Variants in C8orf74 observed in about 807,000 individuals in gnomAD.
The protein encoded by C8orf74 is chromosome 8 open reading frame 74, also known as uncharacterized protein C8orf74.
C8orf74 carries 29 observed loss-of-function variants against 22.2 expected under a neutral mutation model. The ratio of observed to expected loss-of-function variants is 1.31; its 90% CI spans 0.97 to 1.78. The LOEUF is 1.78. C8orf74 is among the 40% of genes most tolerant of loss of function. C8orf74 has a pLI of 0.00. For synonymous variants in C8orf74, 255 were observed against 163.1 expected, an observed-to-expected ratio of 1.56 and a Z score of -4.30; for missense variants, 515 against 369.9, an observed-to-expected ratio of 1.39 and a Z score of -3.22.
At chr8:10,682,816 TC>T (rs1478601811) in intron 2 of C8orf74, among the ~76,000 whole-genome samples, 1 of 152,206 alleles carries the variant, frequency 6.6e-6, no homozygotes. Context: ...TCCCCTGCCT[TC>T]CGCAAGAGAC....
chr8:10,687,331 A>AT, intron 2 of C8orf74: 1 of 317,138 alleles, frequency 3.2e-6, no homozygotes, highest in South Asian at 2.5e-5. Flanking sequence ...AATGGTTTTT[A>AT]TTAAAAGTCT....
intron 2 of C8orf74, among the ~76,000 whole-genome samples, chr8:10,696,417 TTTTC>T (rs1430803277): frequency 7.5e-4 from 99 of 132,258 alleles, no homozygotes; most frequent in Middle Eastern, 3.7e-3. Flanking sequence ...CACTCTTTTT[TTTTC>T]TTTTCTTTTC....
chr8:10,690,415 T>C (rs1563161550), intron 2 of C8orf74, among the ~76,000 whole-genome samples: 1 of 152,000 alleles, frequency 6.6e-6, no homozygotes, highest in Non-Finnish European at 1.5e-5. Context: ...CAGGGGGCAA[T>C]GCGGCGTGCG....
intron 2 of C8orf74, among the ~76,000 whole-genome samples, chr8:10,696,959 A>G (rs953202267): frequency 1.5e-4 from 15 of 101,392 alleles, no homozygotes; most frequent in African/African-American, 1.2e-4. Context: ...CAGGAGTTCG[A>G]AAAAAAAAAA....
At chr8:10,698,720 C>A (rs560290512) in intron 3 of C8orf74, among the ~76,000 whole-genome samples, 16 of 152,146 alleles carry the variant, frequency 1.1e-4, no homozygotes, top group African/African-American at 3.4e-4. Flanking sequence ...ATTGTTGCAT[C>A]ATCTCTGAAC....
chr8:10,679,185 G>C (rs1395878028), intron 2 of C8orf74, among the ~76,000 whole-genome samples: 3 of 152,252 alleles, frequency 2.0e-5, no homozygotes, highest in Non-Finnish European at 4.4e-5. Flanking sequence ...TCACAGGCTT[G>C]TTGAGTTCAT....
chr8:10,674,652 C>T lies in C8orf74; in HGVS notation c.55C>T (p.Gln19Ter). 1.9e-6 allele frequency: 3 copies of T among 1,607,024 alleles called. No individual in the cohort carries two copies. Among genetic ancestry groups the T allele is most frequent in the Non-Finnish European group, 2.5e-6 (3 of 1,176,886 alleles). The change falls in exon 2 of 4, where the codon CAA (glutamine) becomes TAA (stop). Residue 19 changes from glutamine to a stop codon, truncating the protein, a stop_gained. Transcript: ENST00000304519. LOFTEE classifies it high-confidence loss of function. ...VKEVFQLQRP[Q>*]GRERLRRLLN... ...CCCATGTCATTCCCTGCAGAGACCA[C>T]AAGGTCGGGAGCGCCTGCGGAGGCT...
intron 2 of C8orf74, among the ~76,000 whole-genome samples, chr8:10,686,183 A>G (rs980553427): frequency 1.3e-5 from 2 of 152,232 alleles, no homozygotes; most frequent in Non-Finnish European, 2.9e-5. Flanking sequence ...GTAGTGCTGT[A>G]TATTTCATAT....
chr8:10,678,247 C>G (rs569831378), intron 2 of C8orf74, among the ~76,000 whole-genome samples: 1 of 152,150 alleles, frequency 6.6e-6, no homozygotes, highest in African/African-American at 2.4e-5. Flanking sequence ...CCTCTGTGGA[C>G]ACATCTAGAA....
At chr8:10,683,285 TG>T (rs1799190973) in intron 2 of C8orf74, among the ~76,000 whole-genome samples, 1 of 152,244 alleles carries the variant, frequency 6.6e-6, no homozygotes, top group African/African-American at 2.4e-5. Context: ...CAGGCCTACC[TG>T]GCAGGGTGAG....
intron 2 of C8orf74, among the ~76,000 whole-genome samples, chr8:10,684,539 G>C (rs533843584): frequency 6.6e-6 from 1 of 152,308 alleles, no homozygotes; most frequent in Admixed American, 6.5e-5. Flanking sequence ...CCTAGTGTTT[G>C]AGTAGATTTT....
intron 2 of C8orf74, chr8:10,691,280 T>G (rs1039233058): frequency 1.3e-5 from 3 of 232,370 alleles, no homozygotes; most frequent in East Asian, 1.9e-4. Context: ...GCCAGGATGA[T>G]AAGCCGCCAG....
chr8:10,679,074 C>T (rs570916726), intron 2 of C8orf74, among the ~76,000 whole-genome samples: 1 of 152,300 alleles, frequency 6.6e-6, no homozygotes, highest in East Asian at 1.9e-4. Flanking sequence ...TCTGGGGACC[C>T]GGTTTTGCCA....
At chr8:10,683,175 TCA>T (rs1272577376) in intron 2 of C8orf74, among the ~76,000 whole-genome samples, 1 of 152,198 alleles carries the variant, frequency 6.6e-6, no homozygotes, top group Non-Finnish European at 1.5e-5. Context: ...ATGAGCCAGG[TCA>T]CACACCTGCT....
rs944851985 is a variant in C8orf74, at chr8:10,700,560, A to G, written c.*89A>G. ...CACGGTGAGCTCAGCACCCACAGAGAGACTTCTTGTGATTAAAAGAAACAA... is the reference window on the plus strand; with the variant it reads ...CACGGTGAGCTCAGCACCCACAGAGGGACTTCTTGTGATTAAAAGAAACAA... On this transcript the variant is annotated 3_prime_UTR_variant, in exon 4 of 4. Transcript: ENST00000304519. 2 of 773,050 alleles carry G rather than the reference A, an allele frequency of 2.6e-6. No homozygotes were observed. The highest frequency in any genetic ancestry group is 1.8e-5 in the African/African-American group (1 of 56,848). The allele number at this position is 773,050 out of a possible 1,614,324, so 47.9% of individuals were successfully genotyped here. A position where few individuals can be genotyped will look rare whatever the true frequency, so the allele number is the denominator to read the frequency against.
intron 3 of C8orf74, 93 bp from the exon 4 acceptor site, chr8:10,700,142 A>G (rs1365748196): frequency 5.1e-6 from 4 of 791,580 alleles, no homozygotes; most frequent in Non-Finnish European, 8.0e-6. Flanking sequence ...TGGACAGTGG[A>G]CACATTCTCG....
intron 2 of C8orf74, among the ~76,000 whole-genome samples, chr8:10,679,037 C>A (rs147367249): frequency 5.3e-4 from 80 of 152,330 alleles, no homozygotes; most frequent in African/African-American, 1.8e-3. Flanking sequence ...GCCGTCACCT[C>A]CAGGCCCAGG....
At chr8:10,691,918 A>C (rs1311735251) in intron 2 of C8orf74, 1 of 152,398 alleles carries the variant, frequency 6.6e-6, no homozygotes, top group Admixed American at 6.5e-5. Flanking sequence ...CCTCCTGGAC[A>C]GCTGGGTGTG....
chr8:10,683,225 G>A lies in C8orf74; in HGVS notation c.241+8387G>A, dbSNP rs571646176. Among the ~76,000 whole-genome samples the A allele has an allele frequency of 6.6e-5, 10 of 152,348 alleles. No individual in the cohort carries two copies. The South Asian group carries it at 2.1e-3, about 32-fold the overall frequency. On this transcript the variant is annotated intron_variant, in intron 2 of 3. Transcript: ENST00000304519. ...GGGTCACCCAGAGCTGCTCACAGGA[G>A]AGGCTGGGATCCTGGCCCCAGCAGG...
Sources: gnomAD v4.1 joint callset for allele counts (sites outside exome capture counted in the v4.1 genomes callset) on GRCh38, gnomAD v4.1.1 for gene constraint, MANE v1.5 for transcripts, NCBI Gene and HGNC (gene_info 2026-07-23, HGNC 2026-07-21) for gene names.